RAP1GAP: variants seen among roughly 807,000 people sequenced by gnomAD.
RAP1GAP encodes the protein RAP1 GTPase activating protein.
RAP1GAP carries 35 observed loss-of-function variants against 87.2 expected under a neutral mutation model. The ratio of observed to expected loss-of-function variants is 0.40; its 90% CI spans 0.31 to 0.53. The LOEUF (loss-of-function observed/expected upper bound fraction) is 0.53, where lower values mean the gene tolerates loss of function less well. RAP1GAP is among the 20% of genes least tolerant of loss of function. The probability of loss-of-function intolerance (pLI) is 0.48; values close to 1 mark genes in which losing one functional copy is unlikely to be tolerated. For synonymous variants in RAP1GAP, 375 were observed against 363.9 expected, an observed-to-expected ratio of 1.03 and a Z score of -0.35; for missense variants, 734 against 898.9, an observed-to-expected ratio of 0.82 and a Z score of 2.35.
intron 1 of RAP1GAP, among the ~76,000 whole-genome samples, chr1:21,654,230 C>T (rs1401608180): frequency 6.6e-6 from 1 of 152,192 alleles, no homozygotes; most frequent in East Asian, 1.9e-4. Flanking sequence ...AAGACCACTT[C>T]CAAGAATTTA....
Position 21,668,195 on chromosome 1 carries a change from A to G in RAP1GAP, c.-149+1059T>C, listed in dbSNP as rs2097439316. ...TGCAGGGGGGGCCAGGAGCCTCCTGAGAGCCTCATATGGGGAGGAAGTGGT... is the reference window on the plus strand; with the variant it reads ...TGCAGGGGGGGCCAGGAGCCTCCTGGGAGCCTCATATGGGGAGGAAGTGGT... On this transcript the variant is annotated intron_variant, in intron 1 of 24. Transcript: ENST00000374765. The surrounding 1 kb of genome is among the most constrained non-coding windows in gnomAD (Gnocchi z 6.2). 6.6e-6 allele frequency among the ~76,000 whole-genome samples: 1 copy of G among 152,162 alleles called. No individual in the cohort carries two copies.
At chr1:21,637,176 G>A (rs1264615718) in intron 2 of RAP1GAP, among the ~76,000 whole-genome samples, 2 of 149,890 alleles carry the variant, frequency 1.3e-5, no homozygotes, top group African/African-American at 4.9e-5. Context: ...TGGTGGTTGG[G>A]GGCAGGGTCT....
chr1:21,641,954 G>A (rs1365105522), intron 2 of RAP1GAP, among the ~76,000 whole-genome samples: 5 of 152,212 alleles, frequency 3.3e-5, no homozygotes, highest in Non-Finnish European at 7.3e-5. Context: ...AGAAACAGCT[G>A]CATTGTTACA....
rs5772954 is a variant in RAP1GAP, at chr1:21,615,399, CT to C, written c.292-1311del. On this transcript the variant is annotated intron_variant, in intron 7 of 24. Coordinates refer to ENST00000374765, the MANE Select transcript of RAP1GAP (RefSeq NM_002885.4). The surrounding 1 kb of genome is among the most constrained non-coding windows in gnomAD (Gnocchi z 4.5). ...TCTGATCCTGGACATGAAGCCTCTT[CT>C]TTTTTTTTTGAGATGGAGTCTTGCT... Among the ~76,000 whole-genome samples, 3 of 149,912 alleles carry C rather than the reference CT, an allele frequency of 2.0e-5. No individual in the cohort carries two copies. Among genetic ancestry groups the C allele is most frequent in the South Asian group, 2.1e-4 (1 of 4,744 alleles).
Position 21,656,311 on chromosome 1 carries a change from C to T in RAP1GAP, c.-148-6515G>A, listed in dbSNP as rs115077467. On this transcript the variant is annotated intron_variant, in intron 1 of 24. Coordinates refer to ENST00000374765, the MANE Select transcript of RAP1GAP (RefSeq NM_002885.4). ...CTGGGCGTGGTGGCACCCAGCTACT[C>T]AGGAGGCTGAGGCAGGAGAATCGCT... is the stretch of plus-strand genomic sequence containing the variant. Among the ~76,000 whole-genome samples the T allele has an allele frequency of 1.5e-3, 232 of 151,060 alleles. 1 individual carries two copies. Among genetic ancestry groups the T allele is most frequent in the African/African-American group, 5.4e-3 (220 of 41,062 alleles).
intron 4 of RAP1GAP, among the ~76,000 whole-genome samples, 183 bp from the exon 5 acceptor site, chr1:21,619,255 T>A (rs1027321072): frequency 6.6e-6 from 1 of 151,926 alleles, no homozygotes. Flanking sequence ...GTCCCGGTAG[T>A]GACCGGGGCT....
At chr1:21,642,271 G>A (rs1298818659) in intron 2 of RAP1GAP, among the ~76,000 whole-genome samples, 1 of 152,238 alleles carries the variant, frequency 6.6e-6, no homozygotes, top group African/African-American at 2.4e-5. Context: ...CGCACCCACT[G>A]CAGGCGCAGC....
At chr1:21,602,696 G>A (rs1570459377) in intron 19 of RAP1GAP, 108 bp downstream of exon 19, 2 of 950,406 alleles carry the variant, frequency 2.1e-6, no homozygotes, top group Non-Finnish European at 3.1e-6. Flanking sequence ...TAGTGGGGAT[G>A]GAGAGGCAGA....
chr1:21,661,805 T>C (rs1390516588), intron 1 of RAP1GAP, among the ~76,000 whole-genome samples: 2 of 152,256 alleles, frequency 1.3e-5, no homozygotes, highest in Non-Finnish European at 2.9e-5. Context: ...GTGCCACCAA[T>C]GGCTCACAAT....
chr1:21,658,062 G>C (rs1475555377), intron 1 of RAP1GAP, among the ~76,000 whole-genome samples: 4 of 152,196 alleles, frequency 2.6e-5, no homozygotes, highest in African/African-American at 9.7e-5. Flanking sequence ...GCTGGTGAGA[G>C]TCCCACTTCA....
chr1:21,607,290 G>A (rs1336380598), intron 17 of RAP1GAP, among the ~76,000 whole-genome samples: 1 of 152,178 alleles, frequency 6.6e-6, no homozygotes, highest in African/African-American at 2.4e-5. Flanking sequence ...AGACAGGCAA[G>A]GTTTTGCATT....
chr1:21,619,912 C>G, intron 4 of RAP1GAP, 103 bp downstream of exon 4: 1 of 1,278,342 alleles, frequency 7.8e-7, no homozygotes, highest in East Asian at 2.3e-5. Context: ...CTGGCGTGGC[C>G]TGTCCTCAGG....
Position 21,606,074 on chromosome 1 carries a change from C to T in RAP1GAP, c.1420G>A (p.Ala474Thr), listed in dbSNP as rs1198356562. Reference sequence around the variant, plus strand: ...AGGGGGAGGGCACTCACTATTCCAGCCGCCTTGGCCAGGTCGGGGTTGTTG... The same window carrying T: ...AGGGGGAGGGCACTCACTATTCCAGTCGCCTTGGCCAGGTCGGGGTTGTTG... Reference protein sequence around the residue: ...APNNPDLAKAAGISLIVPGKS... With the variant: ...APNNPDLAKATGISLIVPGKS... The change falls in exon 18 of 25, where the codon GCT (alanine) becomes ACT (threonine). Residue 474 changes from alanine to threonine, a missense_variant. Ala to Thr is a moderately conservative substitution (Grantham distance 58). Around this residue, in one of 2 missense-constraint regions of RAP1GAP, gnomAD observed 485 missense variants for 646.2 expected, o/e 0.75. Coordinates refer to ENST00000374765, the MANE Select transcript of RAP1GAP (RefSeq NM_002885.4). 6.3e-7 allele frequency: 1 copy of T among 1,582,288 alleles called. No homozygotes were observed. Among genetic ancestry groups the T allele is most frequent in the South Asian group, 1.2e-5 (1 of 86,548 alleles).
chr1:21,636,957 G>A (rs1439752354), intron 2 of RAP1GAP, among the ~76,000 whole-genome samples: 3 of 138,442 alleles, frequency 2.2e-5, no homozygotes, highest in South Asian at 2.4e-4. Context: ...AGGGAGGGAG[G>A]GAGGGAGGAA....
At chr1:21,598,166 C>G in intron 22 of RAP1GAP, 102 bp from the exon 23 acceptor site, 4 of 824,124 alleles carry the variant, frequency 4.9e-6, no homozygotes, top group Non-Finnish European at 7.5e-6. Flanking sequence ...TCCAACCCCA[C>G]CCTTAACTTT....
chr1:21,636,946 A>AGGGAGGGAGGG (rs2094821666), intron 2 of RAP1GAP, among the ~76,000 whole-genome samples: 7 of 62,230 alleles, frequency 1.1e-4, no homozygotes, highest in African/African-American at 3.5e-4. Context: ...GGGAGGGAGG[A>AGGGAGGGAGGG]AGGGAGGGAG....
At chr1:21,626,665 G>A (rs1468531973) in intron 2 of RAP1GAP, among the ~76,000 whole-genome samples, 1 of 152,170 alleles carries the variant, frequency 6.6e-6, no homozygotes, top group Non-Finnish European at 1.5e-5. Flanking sequence ...CTACTCTGAA[G>A]ATGAGTAGAC....
Position 21,603,991 on chromosome 1 carries a change from G to A in RAP1GAP, c.1429-1078C>T. 8.9e-7 allele frequency: 1 copy of A among 1,129,498 alleles called. No homozygotes were observed. Among genetic ancestry groups the A allele is most frequent in the African/African-American group, 1.6e-5 (1 of 63,708 alleles). 70.0% of individuals were successfully genotyped at this position (1,129,498 alleles called of 1,614,324 possible). A position where few individuals can be genotyped will look rare whatever the true frequency, so the allele number is the denominator to read the frequency against. ...AGAGCAAGAGAGATGGTGGGAGGGAGACACAGAGAGGAGGAGAGGCAGGGA... is the reference window on the plus strand; with the variant it reads ...AGAGCAAGAGAGATGGTGGGAGGGAAACACAGAGAGGAGGAGAGGCAGGGA... On this transcript the variant is annotated intron_variant, in intron 18 of 24. Coordinates refer to ENST00000374765, the MANE Select transcript of RAP1GAP (RefSeq NM_002885.4). The surrounding 1 kb of genome is among the most constrained non-coding windows in gnomAD (Gnocchi z 6.0).
chr1:21,636,378 A>C (rs1331076414), intron 2 of RAP1GAP, among the ~76,000 whole-genome samples: 1 of 152,254 alleles, frequency 6.6e-6, no homozygotes, highest in Non-Finnish European at 1.5e-5. Context: ...AACATTCACC[A>C]TGAGCATTTC....
Sources: gnomAD v4.1 joint callset for allele counts (sites outside exome capture counted in the v4.1 genomes callset) on GRCh38, gnomAD v4.1.1 for gene constraint, gnomAD v4.1.1 regional missense constraint, Gnocchi (gnomAD v3.1) non-coding constraint, MANE v1.5 for transcripts, NCBI Gene and HGNC (gene_info 2026-07-23, HGNC 2026-07-21) for gene names.